The following ZNF605 variants were observed in gnomAD, a reference collection of about 807,000 sequenced individuals.
ZNF605 encodes zinc finger protein 605.
ZNF605 carries 9 observed loss-of-function variants against 7.9 expected under a neutral mutation model. The ratio of observed to expected loss-of-function variants is 1.14; its 90% CI spans 0.68 to 1.98. ZNF605 has a LOEUF of 1.98. Ranked by LOEUF, ZNF605 falls within the 30% of genes most tolerant of loss-of-function variation. The probability of loss-of-function intolerance (pLI) is 0.00; values close to 1 mark genes in which losing one functional copy is unlikely to be tolerated. For missense variants in ZNF605, 673 were observed against 762.4 expected (o/e 0.88, Z 1.38); for synonymous variants, 255 against 260.1 (o/e 0.98, Z 0.19).
At chr12:132,955,371 G>T (rs1593610309) in intron 1 of ZNF605, among the ~76,000 whole-genome samples, 1 of 152,172 alleles carries the variant, frequency 6.6e-6, no homozygotes, top group East Asian at 1.9e-4. Flanking sequence ...ATGGGCCAAA[G>T]CTCAAGAAAA....
chr12:132,955,479 G>A (rs1952626733), intron 1 of ZNF605, among the ~76,000 whole-genome samples: 2 of 152,218 alleles, frequency 1.3e-5, no homozygotes, highest in Admixed American at 1.3e-4. Flanking sequence ...GCAAGCGACG[G>A]CAACGTGGCA....
intron 2 of ZNF605, 42 bp from the exon 3 acceptor site, chr12:132,945,839 A>C (rs992245821): frequency 6.6e-5 from 47 of 715,246 alleles, no homozygotes; most frequent in Non-Finnish European, 1.0e-4. Context: ...GATCTAATTA[A>C]TTTGGGAACC....
At chr12:132,934,320 ACT>A (rs1212127332) in intron 3 of ZNF605, among the ~76,000 whole-genome samples, 53 of 151,472 alleles carry the variant, frequency 3.5e-4, no homozygotes, top group Admixed American at 1.1e-3. Context: ...AAACAAAAAC[ACT>A]CTCTTTCCTC....
chr12:132,940,036 G>A lies in ZNF605; in HGVS notation c.15+5585C>T, dbSNP rs112677324. Reference sequence around the variant, plus strand: ...ACAGACTCCAGACGCGCCACCCGAAGAGCTGTAACACTCACCGCGAGGGTC... The same window carrying A: ...ACAGACTCCAGACGCGCCACCCGAAAAGCTGTAACACTCACCGCGAGGGTC... On this transcript the variant is annotated intron_variant, in intron 3 of 4. Transcript: ENST00000360187. 1.9e-3 allele frequency among the ~76,000 whole-genome samples: 296 copies of A among 152,316 alleles called. 1 individual carries two copies. Among genetic ancestry groups the A allele is most frequent in the African/African-American group, 6.9e-3 (287 of 41,550 alleles).
intron 3 of ZNF605, among the ~76,000 whole-genome samples, chr12:132,935,748 C>T (rs1952358115): frequency 1.3e-5 from 2 of 151,856 alleles, no homozygotes; most frequent in South Asian, 4.2e-4. Flanking sequence ...AAAAAATTAG[C>T]CGGGCATGGT....
intron 1 of ZNF605, among the ~76,000 whole-genome samples, chr12:132,950,428 C>G (rs937025943): frequency 3.3e-5 from 5 of 151,864 alleles, no homozygotes; most frequent in Non-Finnish European, 7.4e-5. Context: ...CGTACAGACA[C>G]GCACATACGT....
chr12:132,926,041 G>A lies in ZNF605; in HGVS notation c.1258C>T (p.Pro420Ser). The change falls in exon 5 of 5, where the codon CCA becomes TCA. Residue 420 changes from proline (P) to serine (S), a missense_variant. Physicochemically the swap from Pro to Ser is moderately conservative, Grantham distance 74. Coordinates refer to ENST00000360187, the MANE Select transcript of ZNF605 (RefSeq NM_183238.4). ...TTCCCACATTGAATGCATCCATATG[G>A]TTTCTCTCCTAAGTGAATTTTTTGA... ...RHQKIHLGEK[P>S]YGCIQCGKTF... is the part of the protein sequence containing the mutation. The A allele has an allele frequency of 6.2e-7, 1 of 1,614,118 alleles. No homozygotes were observed. Among genetic ancestry groups the A allele is most frequent in the Non-Finnish European group, 8.5e-7 (1 of 1,180,026 alleles).
intron 3 of ZNF605, among the ~76,000 whole-genome samples, chr12:132,938,696 C>T (rs1274910861): frequency 1.3e-5 from 2 of 152,206 alleles, no homozygotes; most frequent in Non-Finnish European, 2.9e-5. Flanking sequence ...GTGGGAGCCC[C>T]TTTCTGGGCT....
At chr12:132,955,679 CCCACACAAGCAAG>C in intron 1 of ZNF605, among the ~76,000 whole-genome samples, 1 of 152,090 alleles carries the variant, frequency 6.6e-6, no homozygotes, top group East Asian at 1.9e-4. Context: ...GTGAATGGAA[CCCACACAAGCAAG>C]CCCCTAAGCC....
At position 132,923,486 on chromosome 12, in the gene ZNF605, T is replaced by TA. The variant is rs1255091417; in HGVS notation, c.*1886dup. ...ATTCTAGGTTGCAGGGTTTGTTGTTTATTTCATTAAGGAATTTAGAGATAA... is the reference window on the plus strand; with the variant it reads ...ATTCTAGGTTGCAGGGTTTGTTGTTTAATTTCATTAAGGAATTTAGAGATAA... On this transcript the variant is annotated 3_prime_UTR_variant, in exon 5 of 5. Coordinates refer to ENST00000360187, the MANE Select transcript of ZNF605 (RefSeq NM_183238.4). The TA allele has an allele frequency of 6.6e-6, 1 of 152,246 alleles. No homozygotes were observed. The highest frequency in any genetic ancestry group is 1.5e-5 in the Non-Finnish European group (1 of 68,030). The allele number at this position is 152,246 out of a possible 1,614,324, so 9.4% of individuals were successfully genotyped here.
intron 1 of ZNF605, among the ~76,000 whole-genome samples, chr12:132,954,235 A>G (rs1952606423): frequency 4.7e-5 from 7 of 148,382 alleles, no homozygotes. Context: ...CACCATAATC[A>G]CCAGCACCCC....
At chr12:132,932,689 C>A (rs964836917) in intron 4 of ZNF605, 5 of 1,446,364 alleles carry the variant, frequency 3.5e-6, no homozygotes, top group Non-Finnish European at 4.7e-6. Context: ...TTCACTGTAT[C>A]TCATAAACCT....
At position 132,923,353 on chromosome 12, in the gene ZNF605, T is replaced by C. The variant is rs927490756; in HGVS notation, c.*2020A>G. The C allele has an allele frequency of 2.6e-5, 4 of 152,242 alleles. No homozygotes were observed. The highest frequency in any genetic ancestry group is 5.9e-5 in the Non-Finnish European group (4 of 68,040). The allele number at this position is 152,242 out of a possible 1,614,324, so 9.4% of individuals were successfully genotyped here. ...CCTGCTGCCCTCAAACATCCTTTAA[T>C]GTTTCCCAAAGACAGGTCTACAGGT... is the stretch of plus-strand genomic sequence containing the variant. On this transcript the variant is annotated 3_prime_UTR_variant, in exon 5 of 5. Transcript: ENST00000360187.
At chr12:132,943,033 A>G (rs1175891077) in intron 3 of ZNF605, among the ~76,000 whole-genome samples, 1 of 152,104 alleles carries the variant, frequency 6.6e-6, no homozygotes, top group Admixed American at 6.6e-5. Context: ...CTAAAAAATC[A>G]AGGAGTGGAG....
At position 132,927,182 on chromosome 12, in the gene ZNF605, AAC is replaced by A; in HGVS notation, c.137-22_137-21del. ...AGACTTCTAAAAAGAGAAAAAAATG[AAC>A]CATACTGTGTAATTCCTTCAATTAT... On this transcript the variant is annotated intron_variant, in intron 4 of 4. Coordinates refer to ENST00000360187, the MANE Select transcript of ZNF605 (RefSeq NM_183238.4). 1 of 1,506,588 alleles carries A rather than the reference AAC, an allele frequency of 6.6e-7. No homozygotes were observed. The highest frequency in any genetic ancestry group is 8.8e-7 in the Non-Finnish European group (1 of 1,130,678). The allele number at this position is 1,506,588 out of a possible 1,614,324, so 93.3% of individuals were successfully genotyped here. A position where few individuals can be genotyped will look rare whatever the true frequency, so the allele number is the denominator to read the frequency against.
chr12:132,945,987 C>A (rs888030323), intron 2 of ZNF605, among the ~76,000 whole-genome samples, 190 bp from the exon 3 acceptor site: 12 of 152,150 alleles, frequency 7.9e-5, no homozygotes, highest in African/African-American at 2.7e-4. Flanking sequence ...CGGGTCTGAC[C>A]TGCATCTAGG....
chr12:132,939,720 T>C (rs1371649260), intron 3 of ZNF605, among the ~76,000 whole-genome samples: 33 of 152,296 alleles, frequency 2.2e-4, no homozygotes, highest in South Asian at 6.2e-4. Flanking sequence ...GCTCGGGTCC[T>C]CTTCCACACT....
chr12:132,937,500 A>AACAC, intron 3 of ZNF605, among the ~76,000 whole-genome samples: 1 of 151,592 alleles, frequency 6.6e-6, no homozygotes, highest in Non-Finnish European at 1.5e-5. Context: ...GCTAAAACTA[A>AACAC]ACACACACAC....
intron 3 of ZNF605, among the ~76,000 whole-genome samples, chr12:132,942,058 A>G (rs1411597403): frequency 6.6e-6 from 1 of 152,206 alleles, no homozygotes; most frequent in Non-Finnish European, 1.5e-5. Flanking sequence ...TTATGTAAAA[A>G]TATTTTGTCC....
Sources: gnomAD v4.1 joint callset for allele counts (sites outside exome capture counted in the v4.1 genomes callset) on GRCh38, gnomAD v4.1.1 for gene constraint, MANE v1.5 for transcripts, NCBI Gene and HGNC (gene_info 2026-07-23, HGNC 2026-07-21) for gene names.